BFSP1: variants seen among roughly 807,000 people sequenced by gnomAD.
BFSP1 encodes filensin.
A neutral mutation model predicts 43.9 loss-of-function variants in BFSP1; 38 were observed. The ratio of observed to expected loss-of-function variants is 0.87; its 90% CI spans 0.67 to 1.14. The LOEUF is 1.14. BFSP1 is among the 50% of genes most tolerant of loss of function. The pLI, the probability that BFSP1 is intolerant of heterozygous loss-of-function variation, is 0.00. For synonymous variants in BFSP1, 352 were observed against 354.8 expected, an observed-to-expected ratio of 0.99 and a Z score of 0.09; for missense variants, 850 against 875.1, an observed-to-expected ratio of 0.97 and a Z score of 0.36.
rs2123518537 is a variant in BFSP1 at position 17,524,902 on chromosome 20, T to C, written c.384A>G (p.Glu128=). The stretch of plus-strand genomic sequence containing the variant: ...GCAGGAGTTGACATTCGCACTCATT[T>C]TCATACCTGCAAATTGGACACATAA... ...RALDEFRSKY[E]NECECQLLLK... The change falls in exon 2 of 8, where the codon GAA becomes GAG. Residue 128 remains glutamate, a synonymous_variant. Coordinates refer to ENST00000377873, the MANE Select transcript of BFSP1 (RefSeq NM_001195.5). The C allele has an allele frequency of 6.2e-7, 1 of 1,614,016 alleles. No individual in the cohort carries two copies. Among genetic ancestry groups the C allele is most frequent in the East Asian group, 2.2e-5 (1 of 44,884 alleles).
intron 6 of BFSP1, among the ~76,000 whole-genome samples, chr20:17,497,593 CGT>C (rs1205053400): frequency 1.4e-4 from 9 of 64,592 alleles, no homozygotes; most frequent in South Asian, 4.5e-4. Context: ...TATATATATA[CGT>C]GTATATATAT....
chr20:17,498,016 GAGAA>G (rs1468444440), intron 6 of BFSP1, among the ~76,000 whole-genome samples: 2 of 152,132 alleles, frequency 1.3e-5, no homozygotes, highest in Non-Finnish European at 2.9e-5. Flanking sequence ...ACCAGCACTG[GAGAA>G]AGAAAAATAA....
chr20:17,553,814 C>CATATAT (rs1356594180), intron 1 of BFSP1, among the ~76,000 whole-genome samples: 67 of 100,048 alleles, frequency 6.7e-4, no homozygotes, highest in Admixed American at 1.0e-3. Flanking sequence ...CACACACACA[C>CATATAT]ACACACACAC....
intron 5 of BFSP1, among the ~76,000 whole-genome samples, chr20:17,508,081 G>A (rs1268043841): frequency 1.3e-5 from 2 of 152,152 alleles, no homozygotes; most frequent in Non-Finnish European, 2.9e-5. Context: ...ATTTTTACAC[G>A]TTTTGCTCTC....
At position 17,529,064 on chromosome 20, in the gene BFSP1, AGT is replaced by A. The variant is rs11473581; in HGVS notation, c.377+1887_377+1888del. The stretch of plus-strand genomic sequence containing the variant: ...GATGAATATCTTACATGGTTAAATA[AGT>A]GTGTGTGTGTGTGTGTGTGTGTGTG... On this transcript the variant is annotated intron_variant, in intron 1 of 7. Transcript: ENST00000377873. 2.2e-3 allele frequency among the ~76,000 whole-genome samples: 327 copies of A among 147,106 alleles called. 3 individuals carry two copies. The highest frequency in any genetic ancestry group is 3.9e-3 in the African/African-American group (149 of 38,412).
chr20:17,550,362 T>TG (rs1289877738), intron 1 of BFSP1, among the ~76,000 whole-genome samples: 8 of 152,138 alleles, frequency 5.3e-5, no homozygotes, highest in Non-Finnish European at 1.2e-4. Flanking sequence ...ATCTACCTGT[T>TG]GGGGGGCTGA....
chr20:17,517,311 C>T, intron 2 of BFSP1: 4 of 1,199,826 alleles, frequency 3.3e-6, no homozygotes, highest in Non-Finnish European at 4.9e-6. Context: ...AGACAAGGAA[C>T]TGTATGAGTT....
chr20:17,549,908 T>A (rs1230184257), intron 1 of BFSP1, among the ~76,000 whole-genome samples: 1 of 152,122 alleles, frequency 6.6e-6, no homozygotes, highest in Non-Finnish European at 1.5e-5. Context: ...CAATCACCTC[T>A]CACTAGGTCC....
At chr20:17,520,060 A>G (rs1321972668) in intron 2 of BFSP1, among the ~76,000 whole-genome samples, 4 of 152,228 alleles carry the variant, frequency 2.6e-5, no homozygotes, top group Non-Finnish European at 5.9e-5. Flanking sequence ...ATAATTGCCT[A>G]TGTCCTAGAT....
chr20:17,562,191 A>T (rs1172704961), upstream of BFSP1, among the ~76,000 whole-genome samples: 1 of 150,760 alleles, frequency 6.6e-6, no homozygotes, highest in Non-Finnish European at 1.5e-5. Context: ...AAGTGCTGGG[A>T]TTAGAGGCAT....
chr20:17,560,994 G>C (rs1222719209), upstream of BFSP1, among the ~76,000 whole-genome samples: 1 of 152,024 alleles, frequency 6.6e-6, no homozygotes, highest in Non-Finnish European at 1.5e-5. Flanking sequence ...TACATGTTAA[G>C]GTTTACTGTG....
chr20:17,557,560 G>A (rs543856993), intron 1 of BFSP1, among the ~76,000 whole-genome samples: 2 of 152,268 alleles, frequency 1.3e-5, no homozygotes, highest in African/African-American at 2.4e-5. Context: ...GAGGGTTGCC[G>A]GCATGACCCA....
intron 1 of BFSP1, among the ~76,000 whole-genome samples, chr20:17,539,775 G>A (rs1051517900): frequency 1.3e-5 from 2 of 151,648 alleles, no homozygotes; most frequent in African/African-American, 4.8e-5. Flanking sequence ...CAAAAAAAAA[G>A]ACAAAAATTA....
chr20:17,553,830 T>TATATAC (rs2034940444), intron 1 of BFSP1, among the ~76,000 whole-genome samples: 2 of 90,094 alleles, frequency 2.2e-5, no homozygotes, highest in African/African-American at 1.5e-4. Context: ...CACACATATA[T>TATATAC]ATATATACAC....
In BFSP1 at chr20:17,494,275, C is replaced by T. The variant is rs2033568266; in HGVS notation, c.1797G>A (p.Glu599=). ...PKPAADQDGA[E]VLGTRSRSLP... is the part of the protein sequence containing the mutation. ...GGCTTCTGCTCCTAGTCCCAAGCAC[C>T]TCAGCTCCATCCTGATCAGCCGCAG... The change falls in exon 8 of 8, where the codon GAG becomes GAA. Residue 599 remains glutamate (E), a synonymous_variant. Transcript: ENST00000377873. 6.2e-7 allele frequency: 1 copy of T among 1,614,094 alleles called. No individual in the cohort carries two copies. Among genetic ancestry groups the T allele is most frequent in the Non-Finnish European group, 8.5e-7 (1 of 1,180,050 alleles).
At position 17,530,946 on chromosome 20, in the gene BFSP1, C is replaced by G; in HGVS notation, c.377+7G>C. The G allele has an allele frequency of 7.0e-7, 1 of 1,418,854 alleles. No individual in the cohort carries two copies. Among genetic ancestry groups the G allele is most frequent in the Non-Finnish European group, 9.2e-7 (1 of 1,090,158 alleles). 87.9% of individuals were successfully genotyped at this position (1,418,854 alleles called of 1,614,324 possible). On this transcript the variant is annotated splice_region_variant and intron_variant, in intron 1 of 7. Coordinates refer to ENST00000377873, the MANE Select transcript of BFSP1 (RefSeq NM_001195.5). The stretch of plus-strand genomic sequence containing the variant: ...TGCCTCGGTTTCCCCCGATGGCCGC[C>G]GCTTACTTGCTTCGGAACTCGTCGA...
chr20:17,530,936 CG>C lies in BFSP1; in HGVS notation c.377+16del, dbSNP rs1298014448. 1 of 1,402,720 alleles carries C rather than the reference CG, an allele frequency of 7.1e-7. No individual in the cohort carries two copies. Among genetic ancestry groups the C allele is most frequent in the Admixed American group, 3.0e-5 (1 of 32,936 alleles). The allele number at this position is 1,402,720 out of a possible 1,614,324, so 86.9% of individuals were successfully genotyped here. A position where few individuals can be genotyped will look rare whatever the true frequency, so the allele number is the denominator to read the frequency against. On this transcript the variant is annotated intron_variant, in intron 1 of 7. Coordinates refer to ENST00000377873, the MANE Select transcript of BFSP1 (RefSeq NM_001195.5). ...GCCCACGCCCTGCCTCGGTTTCCCC[CG>C]ATGGCCGCCGCTTACTTGCTTCGGA...
intron 2 of BFSP1, among the ~76,000 whole-genome samples, chr20:17,518,536 G>T (rs540926055): frequency 6.6e-6 from 1 of 152,166 alleles, no homozygotes. Context: ...CCTTCCTACC[G>T]CAGGGGAAGT....
chr20:17,566,494 G>T (rs2035121094), intron 1 of BFSP1, among the ~76,000 whole-genome samples: 1 of 152,204 alleles, frequency 6.6e-6, no homozygotes, highest in South Asian at 2.1e-4. Flanking sequence ...TAAACTGGGT[G>T]GCTTACAAAC....
Sources: gnomAD v4.1 joint callset for allele counts (sites outside exome capture counted in the v4.1 genomes callset) on GRCh38, gnomAD v4.1.1 for gene constraint, MANE v1.5 for transcripts, NCBI Gene and HGNC (gene_info 2026-07-23, HGNC 2026-07-21) for gene names.